The following COL4A4 variants were observed in gnomAD, a reference collection of about 807,000 sequenced individuals.
COL4A4 encodes the protein collagen type IV alpha 4 chain.
A neutral mutation model predicts 192.9 loss-of-function variants in COL4A4; 105 were observed. That is an observed-to-expected ratio of 0.54 (90% CI 0.46 to 0.64). COL4A4 has a LOEUF of 0.64. Among genes scored for constraint, COL4A4 ranks in the 30% least tolerant of loss-of-function variants. The pLI is 0.00. For synonymous variants in COL4A4, 762 were observed against 769.9 expected (o/e 0.99, Z 0.17); for missense variants, 1,967 against 2,169.3 (o/e 0.91, Z 1.85).
At chr2:227,070,544 A>G (rs1035604225) in intron 25 of COL4A4, among the ~76,000 whole-genome samples, 5 of 152,172 alleles carry the variant, frequency 3.3e-5, no homozygotes, top group African/African-American at 1.2e-4. Flanking sequence ...CAGCCATAAA[A>G]AACAATGAGT....
intron 43 of COL4A4, among the ~76,000 whole-genome samples, chr2:227,025,579 C>T (rs754558779): frequency 3.9e-5 from 6 of 152,198 alleles, no homozygotes; most frequent in Non-Finnish European, 8.8e-5. Context: ...AGGCTCTACA[C>T]TGCCTTGACA....
chr2:227,121,156 G>A lies in COL4A4; in HGVS notation c.193-8C>T. 1.2e-6 allele frequency: 2 copies of A among 1,613,770 alleles called. No homozygotes were observed. Among genetic ancestry groups the A allele is most frequent in the East Asian group, 2.2e-5 (1 of 44,870 alleles). ...TGGTGGTCCTGGTGGACCCTGAGAA[G>A]GAAGATTAAAAAGAAATGGGGGTGC... On this transcript the variant is annotated splice_polypyrimidine_tract_variant and splice_region_variant and intron_variant, in intron 4 of 47. Coordinates refer to ENST00000396625, the MANE Select transcript of COL4A4 (RefSeq NM_000092.5).
chr2:227,161,230 T>C (rs923288560), intron 1 of COL4A4, among the ~76,000 whole-genome samples: 2 of 152,224 alleles, frequency 1.3e-5, no homozygotes, highest in African/African-American at 4.8e-5. Flanking sequence ...AAATGGCCCC[T>C]GCCCTAATGG....
intron 24 of COL4A4, 57 bp downstream of exon 24, chr2:227,080,386 G>A (rs1464114407): frequency 4.9e-6 from 7 of 1,424,172 alleles, no homozygotes; most frequent in African/African-American, 2.8e-5. Context: ...GGAAATAGTT[G>A]TTTGTATGAC....
At chr2:227,088,867 C>T (rs1177176019) in intron 21 of COL4A4, 51 bp from the exon 22 acceptor site, 5 of 1,593,736 alleles carry the variant, frequency 3.1e-6, no homozygotes, top group Non-Finnish European at 3.4e-6. Flanking sequence ...ATAAAATCCC[C>T]AATAAGGGCT....
chr2:227,054,501 G>C (rs1457743507), intron 31 of COL4A4, 93 bp downstream of exon 31: 1 of 1,430,256 alleles, frequency 7.0e-7, no homozygotes, highest in Admixed American at 1.7e-5. Flanking sequence ...CCAAGCTTCA[G>C]ACAAGTCCTA....
chr2:227,062,419 T>C (rs1977346094), intron 26 of COL4A4, 111 bp downstream of exon 26: 4 of 749,376 alleles, frequency 5.3e-6, no homozygotes, highest in Non-Finnish European at 9.4e-6. Flanking sequence ...CCTCAAAACT[T>C]CAGAAATGTC....
rs1187419564 is a variant in COL4A4 at position 227,115,269 on chromosome 2, C to CTTTTTTT, written c.490-580_490-574dup. On this transcript the variant is annotated intron_variant, in intron 7 of 47. Coordinates refer to ENST00000396625, the MANE Select transcript of COL4A4 (RefSeq NM_000092.5). ...AATATCTTAATATCCTACTTTAATT[C>CTTTTTTT]TTTTTTTTTTTTTTTTTTTGAGACA... is the stretch of plus-strand genomic sequence containing the variant. Among the ~76,000 whole-genome samples, 186 of 123,938 alleles carry CTTTTTTT rather than the reference C, an allele frequency of 1.5e-3. 6 individuals are homozygous for CTTTTTTT. Among genetic ancestry groups the CTTTTTTT allele is most frequent in the African/African-American group, 5.7e-3 (175 of 30,912 alleles). The allele number at this position is 123,938 out of a possible 152,430, so 81.3% of individuals were successfully genotyped here.
At chr2:226,994,085 C>G in the COL4A4 span, among the ~76,000 whole-genome samples, 1 of 152,228 alleles carries the variant, frequency 6.6e-6, no homozygotes, top group African/African-American at 2.4e-5. Flanking sequence ...GAGAGCTGGA[C>G]TGCGGGCACC....
the COL4A4 span, among the ~76,000 whole-genome samples, chr2:226,985,109 T>C: frequency 2.0e-5 from 3 of 152,150 alleles, no homozygotes; most frequent in Non-Finnish European, 4.4e-5. Flanking sequence ...TGTCTGTTTA[T>C]CTCCTCTGAT....
At chr2:226,989,736 TG>T in the COL4A4 span, among the ~76,000 whole-genome samples, 1 of 152,224 alleles carries the variant, frequency 6.6e-6, no homozygotes, top group Admixed American at 6.5e-5. Flanking sequence ...TATGGCCTGT[TG>T]ATTTTAAGTC....
intron 6 of COL4A4, among the ~76,000 whole-genome samples, 158 bp from the exon 7 acceptor site, chr2:227,118,919 T>TA (rs2061629309): frequency 6.6e-6 from 1 of 152,242 alleles, no homozygotes; most frequent in Non-Finnish European, 1.5e-5. Flanking sequence ...ACGTAGCATG[T>TA]AAAAATAAAA....
Position 227,007,175 on chromosome 2 carries a change from C to G in COL4A4, c.*150G>C. On this transcript the variant is annotated 3_prime_UTR_variant, in exon 48 of 48. Transcript: ENST00000396625. ...AGCATTTGCTTAATGTGTAAGGAAC[C>G]AGAGGACTCTGGGAATAACCACGAC... is the stretch of plus-strand genomic sequence containing the variant. 2.7e-6 allele frequency: 3 copies of G among 1,110,610 alleles called. No individual in the cohort carries two copies. The highest frequency in any genetic ancestry group is 3.4e-5 in the Admixed American group (2 of 58,800). The allele number at this position is 1,110,610 out of a possible 1,614,324, so 68.8% of individuals were successfully genotyped here.
chr2:227,124,755 C>T (rs1203748788), intron 4 of COL4A4, among the ~76,000 whole-genome samples: 1 of 152,178 alleles, frequency 6.6e-6, no homozygotes, highest in Non-Finnish European at 1.5e-5. Context: ...GACTTCAGAG[C>T]ACCTTTCTGT....
chr2:226,995,459 C>G, the COL4A4 span: 1 of 1,612,794 alleles, frequency 6.2e-7, no homozygotes, highest in Non-Finnish European at 8.5e-7. Context: ...CACCACCCTA[C>G]GGGTTTCATC....
At position 227,022,647 on chromosome 2, in the gene COL4A4, C is replaced by T. The variant is rs74841328; in HGVS notation, c.4091-474G>A. On this transcript the variant is annotated intron_variant, in intron 43 of 47. Transcript: ENST00000396625. ...GGGTTTCCATAGTGTCAGTCACTAA[C>T]ATAGAATTTCAGGATTGCTAGAGGC... is the stretch of plus-strand genomic sequence containing the variant. 2.5e-3 allele frequency: 1,198 copies of T among 475,162 alleles called. 13 individuals are homozygous for T. The highest frequency in any genetic ancestry group is 0.022 in the African/African-American group (1,094 of 50,334). 29.4% of individuals were successfully genotyped at this position (475,162 alleles called of 1,614,324 possible). A position where few individuals can be genotyped will look rare whatever the true frequency, so the allele number is the denominator to read the frequency against.
chr2:227,022,843 T>G (rs1328468607), intron 43 of COL4A4, among the ~76,000 whole-genome samples: 3 of 152,142 alleles, frequency 2.0e-5, no homozygotes, highest in African/African-American at 7.2e-5. Context: ...GCTGGTGAGC[T>G]TTTCAAAAGT....
At chr2:226,988,744 C>A in the COL4A4 span, 9 of 908,976 alleles carry the variant, frequency 9.9e-6, no homozygotes, top group South Asian at 3.6e-4. Context: ...AGAGATAGAA[C>A]GAGCATAGAG....
chr2:227,000,253 A>C (rs540300716), downstream of COL4A4, among the ~76,000 whole-genome samples: 1 of 152,366 alleles, frequency 6.6e-6, no homozygotes, highest in Non-Finnish European at 1.5e-5. Flanking sequence ...CTACAGATTC[A>C]GACTCCTGCT....
Sources: allele counts gnomAD v4.1 joint callset (sites outside exome capture counted in the v4.1 genomes callset), GRCh38; gene constraint gnomAD v4.1.1; transcripts MANE v1.5; gene names NCBI Gene and HGNC (gene_info 2026-07-23, HGNC 2026-07-21).